Variants in R3HDM1 observed in about 807,000 individuals in gnomAD.
The protein encoded by R3HDM1 is R3H domain containing 1.
In R3HDM1, 46 loss-of-function variants were observed where a neutral mutation model predicts 141.1. The ratio of observed to expected loss-of-function variants is 0.33; its 90% CI spans 0.26 to 0.42. The LOEUF is 0.42. R3HDM1 is among the 10% of genes least tolerant of loss of function. The pLI is 1.00. For missense variants in R3HDM1, 1,184 were observed against 1,368.3 expected, an observed-to-expected ratio of 0.87 and a Z score of 2.12; for synonymous variants, 435 against 472.9, an observed-to-expected ratio of 0.92 and a Z score of 1.04.
intron 21 of R3HDM1, among the ~76,000 whole-genome samples, chr2:135,696,066 G>A (rs1485567479): frequency 6.6e-6 from 1 of 152,034 alleles, no homozygotes; most frequent in Non-Finnish European, 1.5e-5. Flanking sequence ...TAAGAAAAAT[G>A]AATACTAGAA....
intron 1 of R3HDM1, among the ~76,000 whole-genome samples, chr2:135,560,517 T>C (rs1343961527): frequency 3.9e-5 from 6 of 152,150 alleles, no homozygotes; most frequent in African/African-American, 1.2e-4. Context: ...TTTCACCACG[T>C]TGACCAGGAT....
At position 135,667,657 on chromosome 2, in the gene R3HDM1, C is replaced by T. The variant is rs188957264; in HGVS notation, c.2152+6264C>T. The T allele has an allele frequency of 3.1e-5, 30 of 977,156 alleles. No individual in the cohort carries two copies. In the African/African-American group the frequency reaches 4.9e-4, roughly 16 times the overall value. The allele number at this position is 977,156 out of a possible 1,614,324, so 60.5% of individuals were successfully genotyped here. A position where few individuals can be genotyped will look rare whatever the true frequency, so the allele number is the denominator to read the frequency against. The stretch of plus-strand genomic sequence containing the variant: ...TGGTAGCCAAGTTGGAGTCGGGATA[C>T]TGGAAATACTCTTCTTGTAGCATTT... On this transcript the variant is annotated intron_variant, in intron 19 of 26. Transcript: ENST00000683871.
At chr2:135,564,143 G>C (rs1206304157) in intron 1 of R3HDM1, among the ~76,000 whole-genome samples, 2 of 152,124 alleles carry the variant, frequency 1.3e-5, no homozygotes, top group Non-Finnish European at 2.9e-5. Context: ...ATTCCAACAT[G>C]AAATTTGAAT....
intron 1 of R3HDM1, among the ~76,000 whole-genome samples, chr2:135,593,908 TGA>T (rs1428899359): frequency 6.6e-6 from 1 of 152,004 alleles, no homozygotes; most frequent in African/African-American, 2.4e-5. Context: ...TTAGTAGAGA[TGA>T]GGTTTTGCCA....
chr2:135,667,611 G>A (rs1291959458), intron 19 of R3HDM1: 24 of 962,758 alleles, frequency 2.5e-5, no homozygotes, highest in Non-Finnish European at 2.7e-5. Flanking sequence ...ATACTTTTTA[G>A]TGAAGAAAGA....
At chr2:135,673,433 T>C (rs2068700827) in intron 19 of R3HDM1, among the ~76,000 whole-genome samples, 1 of 152,232 alleles carries the variant, frequency 6.6e-6, no homozygotes, top group Non-Finnish European at 1.5e-5. Flanking sequence ...GGTGGAAATT[T>C]GTCATTGTAT....
chr2:135,569,703 T>C (rs1050409714), intron 1 of R3HDM1, among the ~76,000 whole-genome samples: 7 of 151,684 alleles, frequency 4.6e-5, no homozygotes, highest in African/African-American at 1.7e-4. Flanking sequence ...GAACATACCT[T>C]TCATATAGTA....
At chr2:135,536,776 A>G (rs1377042615) in intron 1 of R3HDM1, 1 of 932,764 alleles carries the variant, frequency 1.1e-6, no homozygotes, top group Non-Finnish European at 1.3e-6. Flanking sequence ...GCCACACAGC[A>G]GGAGGTGTGC....
At chr2:135,549,581 ACAAAAAC>A (rs1699450200) in intron 1 of R3HDM1, among the ~76,000 whole-genome samples, 1 of 145,606 alleles carries the variant, frequency 6.9e-6, no homozygotes, top group African/African-American at 2.6e-5. Flanking sequence ...AAAAAAAAAA[ACAAAAAC>A]AAAATGGGGT....
chr2:135,555,072 T>A (rs1403933856), intron 1 of R3HDM1, among the ~76,000 whole-genome samples: 1 of 151,992 alleles, frequency 6.6e-6, no homozygotes, highest in African/African-American at 2.4e-5. Context: ...GAGGCCAAGG[T>A]GGGCGGATCA....
At chr2:135,660,571 C>T (rs1442337197) in intron 18 of R3HDM1, among the ~76,000 whole-genome samples, 1 of 152,036 alleles carries the variant, frequency 6.6e-6, no homozygotes, top group Admixed American at 6.6e-5. Flanking sequence ...CTCGCCCAGG[C>T]TCAGTGGCTC....
At chr2:135,691,610 G>A (rs1457883980) in intron 21 of R3HDM1, among the ~76,000 whole-genome samples, 11 of 151,814 alleles carry the variant, frequency 7.2e-5, no homozygotes, top group African/African-American at 2.7e-4. Context: ...AAAAAAAACA[G>A]AAGTAAAGAG....
At chr2:135,656,131 A>G (rs2065858949) in intron 18 of R3HDM1, among the ~76,000 whole-genome samples, 1 of 138,702 alleles carries the variant, frequency 7.2e-6, no homozygotes. Context: ...TTCCTGATAT[A>G]TTGACTCATA....
At chr2:135,708,210 A>G (rs1429044015) in intron 21 of R3HDM1, among the ~76,000 whole-genome samples, 2 of 152,218 alleles carry the variant, frequency 1.3e-5, no homozygotes, top group African/African-American at 2.4e-5. Context: ...CCCACATAAT[A>G]TCATTTTATA....
intron 7 of R3HDM1, among the ~76,000 whole-genome samples, chr2:135,631,398 T>A (rs2062699878): frequency 6.6e-6 from 1 of 151,314 alleles, no homozygotes; most frequent in Non-Finnish European, 1.5e-5. Flanking sequence ...CTTCGTTGTG[T>A]GTAAGCAAAA....
At chr2:135,549,703 A>G (rs1317970415) in intron 1 of R3HDM1, among the ~76,000 whole-genome samples, 3 of 152,188 alleles carry the variant, frequency 2.0e-5, no homozygotes, top group Non-Finnish European at 4.4e-5. Flanking sequence ...ATCCAGAGAC[A>G]GAAAACAGGT....
rs142973185 is a variant in R3HDM1 at position 135,561,492 on chromosome 2, G to A, written c.-250+29859G>A. Among the ~76,000 whole-genome samples the A allele has an allele frequency of 3.5e-3, 528 of 152,242 alleles. 7 individuals carry two copies. Among genetic ancestry groups the A allele is most frequent in the Admixed American group, 0.024 (361 of 15,280 alleles). ...AGCGCTTTGGTAGGCCAAGGCAGGCGGATCACTTGAGCACAGGAGTTCATG... is the reference window on the plus strand; with the variant it reads ...AGCGCTTTGGTAGGCCAAGGCAGGCAGATCACTTGAGCACAGGAGTTCATG... On this transcript the variant is annotated intron_variant, in intron 1 of 26. Transcript: ENST00000683871.
intron 1 of R3HDM1, among the ~76,000 whole-genome samples, chr2:135,580,450 A>G (rs1706557885): frequency 1.3e-5 from 2 of 152,116 alleles, no homozygotes; most frequent in African/African-American, 2.4e-5. Context: ...TTGCAATATT[A>G]TTGGAATTTG....
intron 18 of R3HDM1, among the ~76,000 whole-genome samples, chr2:135,655,746 G>A (rs1404590741): frequency 2.6e-5 from 4 of 151,798 alleles, no homozygotes; most frequent in African/African-American, 4.8e-5. Flanking sequence ...CGCCCGCCTC[G>A]GCCTCCCAAA....
Sources: gnomAD v4.1 joint callset for allele counts (sites outside exome capture counted in the v4.1 genomes callset) on GRCh38, gnomAD v4.1.1 for gene constraint, MANE v1.5 for transcripts, NCBI Gene and HGNC (gene_info 2026-07-23, HGNC 2026-07-21) for gene names.